The following PITPNM3 variants were observed in gnomAD, a reference collection of about 807,000 sequenced individuals.
PITPNM3 encodes the protein membrane-associated phosphatidylinositol transfer protein 3.
A neutral mutation model predicts 102.0 loss-of-function variants in PITPNM3; 26 were observed. That is an observed-to-expected ratio of 0.25 (90% CI 0.19 to 0.35). The LOEUF (loss-of-function observed/expected upper bound fraction) is 0.35. Ranked by LOEUF, PITPNM3 falls within the 10% of genes least tolerant of loss-of-function variation. The pLI is 1.00. For synonymous variants in PITPNM3, 578 were observed against 558.6 expected (o/e 1.03, Z -0.49); for missense variants, 1,083 against 1,346.1 (o/e 0.80, Z 3.06).
intron 1 of PITPNM3, among the ~76,000 whole-genome samples, chr17:6,549,088 T>G (rs1044186242): frequency 2.6e-5 from 4 of 151,948 alleles, no homozygotes; most frequent in African/African-American, 9.7e-5. Flanking sequence ...GGTGGTTCAC[T>G]CCAAGCTGTC....
rs1909818461 is a variant in PITPNM3, at chr17:6,543,164, A to T, written c.23-5082T>A. 2.0e-5 allele frequency among the ~76,000 whole-genome samples: 3 copies of T among 152,152 alleles called. No individual in the cohort carries two copies. The South Asian group carries it at 6.2e-4, about 32-fold the overall frequency. On this transcript the variant is annotated intron_variant, in intron 1 of 19. Coordinates refer to ENST00000262483, the MANE Select transcript of PITPNM3 (RefSeq NM_031220.4). ...GCTCCGAGCTGGGCCGCTCAGTGGG[A>T]GGGGCTGCTGGAAGCCATCCCCACT...
chr17:6,536,480 G>A lies in PITPNM3; in HGVS notation c.118+1507C>T, dbSNP rs1453466624. On this transcript the variant is annotated intron_variant, in intron 2 of 19. Transcript: ENST00000262483. ...GCAGCCACTCTAATTAGACGCCCATGGGAGACAGGCCCCAAATGGGCTGGT... is the reference window on the plus strand; with the variant it reads ...GCAGCCACTCTAATTAGACGCCCATAGGAGACAGGCCCCAAATGGGCTGGT... Among the ~76,000 whole-genome samples the A allele has an allele frequency of 2.6e-5, 4 of 152,344 alleles. No homozygotes were observed. In the East Asian group the frequency reaches 7.7e-4, roughly 29 times the overall value.
chr17:6,503,814 G>A (rs115374688), intron 3 of PITPNM3, among the ~76,000 whole-genome samples: 2,805 of 152,188 alleles, frequency 0.018, 92 homozygotes, highest in African/African-American at 0.063. Flanking sequence ...CTCCTCAGGC[G>A]TTTTCACCTC....
chr17:6,463,733 G>A lies in PITPNM3; in HGVS notation c.2305C>T (p.Arg769Trp), dbSNP rs750932326. The A allele has an allele frequency of 4.3e-6, 7 of 1,610,910 alleles. No homozygotes were observed. Among genetic ancestry groups the A allele is most frequent in the Non-Finnish European group, 5.9e-6 (7 of 1,179,654 alleles). ...GCCCTCGTGGAAGGTGGCACTCACC[G>A]GACAACATCCACTGCACCCGGCCGG... is the stretch of plus-strand genomic sequence containing the variant. ...KVRPGAVDVV[R>W]HWQDLGYMIL... Residue 769 changes from arginine to tryptophan, a missense_variant and splice_region_variant, in exon 17 of 20, where the codon CGG (arginine) becomes TGG (tryptophan). Arg to Trp is a moderately radical substitution (Grantham distance 101, BLOSUM62 -3). Around this residue, in one of 5 missense-constraint regions of PITPNM3, gnomAD observed 410 missense variants for 638.4 expected, o/e 0.64. Transcript: ENST00000262483.
rs1908782492 is a variant in PITPNM3 at position 6,525,528 on chromosome 17, C to T, written c.119-65G>A. ...TAGGGATAGGTAGCCCTATCAGGAG[C>T]TTATGTCTGAGGGACATTTTCTCTT... On this transcript the variant is annotated intron_variant, in intron 2 of 19. Transcript: ENST00000262483. The T allele has an allele frequency of 4.1e-6, 5 of 1,211,948 alleles. No homozygotes were observed. The African/African-American group carries it at 7.5e-5, about 18-fold the overall frequency. 75.1% of individuals were successfully genotyped at this position (1,211,948 alleles called of 1,614,324 possible).
In PITPNM3 at chr17:6,525,357, T is replaced by G. The variant is rs1400324802; in HGVS notation, c.225A>C (p.Gln75His). 1 of 1,614,044 alleles carries G rather than the reference T, an allele frequency of 6.2e-7. No homozygotes were observed. Among genetic ancestry groups the G allele is most frequent in the African/African-American group, 1.3e-5 (1 of 75,064 alleles). ...IETMGKLDEH[Q>H]GEGTAPCTSS... ...GTCATGAGAGAAGCAGAGTCTCACCTTGATGCTCGTCCAGTTTCCCCATGG... is the reference window on the plus strand; with the variant it reads ...GTCATGAGAGAAGCAGAGTCTCACCGTGATGCTCGTCCAGTTTCCCCATGG... The change falls in exon 3 of 20, where the codon CAA (glutamine) becomes CAC (histidine). Residue 75 changes from glutamine to histidine, a missense_variant and splice_region_variant. Around this residue, in one of 5 missense-constraint regions of PITPNM3, gnomAD observed 290 missense variants for 337.8 expected, o/e 0.86. Coordinates refer to ENST00000262483, the MANE Select transcript of PITPNM3 (RefSeq NM_031220.4).
In PITPNM3 at chr17:6,457,493, A is replaced by C; in HGVS notation, c.2619+101T>G. The C allele has an allele frequency of 6.4e-7, 1 of 1,556,514 alleles. No homozygotes were observed. On this transcript the variant is annotated intron_variant, in intron 19 of 19. Coordinates refer to ENST00000262483, the MANE Select transcript of PITPNM3 (RefSeq NM_031220.4). This position sits in a 1 kb window ranked among gnomAD's most constrained non-coding sequence, Gnocchi z 4.7. ...GAATAAATGAATGAGCAAATGGGGGAATGAACAAATGAATGAATGAATGAA... is the reference window on the plus strand; with the variant it reads ...GAATAAATGAATGAGCAAATGGGGGCATGAACAAATGAATGAATGAATGAA...
chr17:6,533,406 C>G, intron 2 of PITPNM3, among the ~76,000 whole-genome samples: 1 of 152,142 alleles, frequency 6.6e-6, no homozygotes, highest in East Asian at 1.9e-4. Flanking sequence ...TATATATCTG[C>G]TTTGGTGCAG....
intron 1 of PITPNM3, among the ~76,000 whole-genome samples, chr17:6,555,408 A>T (rs1024588982): frequency 2.0e-5 from 3 of 151,902 alleles, no homozygotes; most frequent in Non-Finnish European, 4.4e-5. Flanking sequence ...GTCCTGGGGG[A>T]CGGCATGGCA....
chr17:6,472,750 G>A lies in PITPNM3; in HGVS notation c.1336C>T (p.Pro446Ser). The stretch of plus-strand genomic sequence containing the variant: ...AGGTGGAACTTGGGCTCCAGCAGTG[G>A]CTCGAGCCGTGAGGCAGAGGGGTCT... ...CADPSASRLEPLLEPKFHLVP... is the reference protein window; with the variant it reads ...CADPSASRLESLLEPKFHLVP... The change falls in exon 11 of 20, where the codon CCA becomes TCA. Residue 446 changes from proline (P) to serine (S), a missense_variant. Physicochemically the swap from Pro to Ser is moderately conservative, Grantham distance 74. Transcript: ENST00000262483. The surrounding 1 kb of genome is among the most constrained non-coding windows in gnomAD (Gnocchi z 4.1). 4 of 1,612,690 alleles carry A rather than the reference G, an allele frequency of 2.5e-6. No individual in the cohort carries two copies. The highest frequency in any genetic ancestry group is 3.4e-6 in the Non-Finnish European group (4 of 1,179,798).
In PITPNM3 at chr17:6,468,113, T is replaced by C; in HGVS notation, c.1890+112A>G. 1.9e-6 allele frequency: 2 copies of C among 1,030,540 alleles called. No individual in the cohort carries two copies. Among genetic ancestry groups the C allele is most frequent in the Non-Finnish European group, 3.0e-6 (2 of 665,514 alleles). The allele number at this position is 1,030,540 out of a possible 1,614,324, so 63.8% of individuals were successfully genotyped here. A position where few individuals can be genotyped will look rare whatever the true frequency, so the allele number is the denominator to read the frequency against. On this transcript the variant is annotated intron_variant, in intron 14 of 19. Coordinates refer to ENST00000262483, the MANE Select transcript of PITPNM3 (RefSeq NM_031220.4). This position sits in a 1 kb window ranked among gnomAD's most constrained non-coding sequence, Gnocchi z 5.2. Reference sequence around the variant, plus strand: ...GCCCCAGCCTGTTTGGGTGCTGAGCTCTGAGGACAAATTGAAGCGCTTACC... The same window carrying C: ...GCCCCAGCCTGTTTGGGTGCTGAGCCCTGAGGACAAATTGAAGCGCTTACC...
intron 3 of PITPNM3, among the ~76,000 whole-genome samples, chr17:6,523,691 C>A (rs945409884): frequency 7.2e-5 from 11 of 152,180 alleles, no homozygotes; most frequent in Non-Finnish European, 1.5e-4. Context: ...CCCTTCTAGG[C>A]CCCCTCTGGG....
chr17:6,545,774 T>C (rs1388651910), intron 1 of PITPNM3, among the ~76,000 whole-genome samples: 1 of 152,238 alleles, frequency 6.6e-6, no homozygotes, highest in African/African-American at 2.4e-5. Context: ...GGGTCCTTCA[T>C]GTGCAGCACC....
chr17:6,489,703 C>T (rs1305687148), intron 4 of PITPNM3, among the ~76,000 whole-genome samples: 2 of 152,092 alleles, frequency 1.3e-5, no homozygotes, highest in African/African-American at 4.8e-5. Flanking sequence ...AAGCTCATTC[C>T]CCATTTAAAA....
rs372399295 is a variant in PITPNM3, at chr17:6,494,404, G to T, written c.274+9123C>A. On this transcript the variant is annotated intron_variant, in intron 4 of 19. Transcript: ENST00000262483. ...TAGGCTGTTAGCCTGACCCCCTAAT[G>T]ATCCCCTGTCAAGTCCACCCTGGCC... is the stretch of plus-strand genomic sequence containing the variant. 2.0e-5 allele frequency among the ~76,000 whole-genome samples: 3 copies of T among 152,296 alleles called. No homozygotes were observed. The East Asian group carries it at 5.8e-4, about 29-fold the overall frequency.
chr17:6,497,883 C>T (rs1906930202), intron 4 of PITPNM3, among the ~76,000 whole-genome samples: 1 of 152,210 alleles, frequency 6.6e-6, no homozygotes, highest in African/African-American at 2.4e-5. Context: ...CCTCTCAACT[C>T]GCACTTTCCC....
At chr17:6,506,564 G>A (rs1256963913) in intron 3 of PITPNM3, among the ~76,000 whole-genome samples, 2 of 152,240 alleles carry the variant, frequency 1.3e-5, no homozygotes, top group Non-Finnish European at 2.9e-5. Flanking sequence ...TAAAGATGGG[G>A]TTTTACCATG....
At position 6,477,189 on chromosome 17, in the gene PITPNM3, C is replaced by T. The variant is rs1403768899; in HGVS notation, c.925G>A (p.Asp309Asn). Residue 309 changes from aspartate (D) to asparagine (N), a missense_variant, in exon 9 of 20, where the codon GAT becomes AAT. Physicochemically the swap from Asp to Asn is conservative, Grantham distance 23 (BLOSUM62 1). This residue lies in a region of PITPNM3 where 172 missense variants were observed against 175.6 expected (regional missense o/e 0.98). Transcript: ENST00000262483. ...CGCTTGCTGCTGGCCAGGCTGCAAT[C>T]TTCCTCCACCGCGACTGGGGTGTCC... ...TQDTPVAVEEDCSLASSKRLS... is the reference protein window; with the variant it reads ...TQDTPVAVEENCSLASSKRLS... 1 of 1,614,036 alleles carries T rather than the reference C, an allele frequency of 6.2e-7. No individual in the cohort carries two copies. The highest frequency in any genetic ancestry group is 1.3e-5 in the African/African-American group (1 of 74,928).
At chr17:6,542,144 G>A (rs1287000890) in intron 1 of PITPNM3, among the ~76,000 whole-genome samples, 1 of 152,218 alleles carries the variant, frequency 6.6e-6, no homozygotes, top group African/African-American at 2.4e-5. Context: ...CCAGAGGCCT[G>A]CCCCTGGCTC....
Sources: gnomAD v4.1 joint callset for allele counts (sites outside exome capture counted in the v4.1 genomes callset) on GRCh38, gnomAD v4.1.1 for gene constraint, gnomAD v4.1.1 regional missense constraint, Gnocchi (gnomAD v3.1) non-coding constraint, MANE v1.5 for transcripts, NCBI Gene and HGNC (gene_info 2026-07-23, HGNC 2026-07-21) for gene names.